The following RACGAP1 variants were observed in gnomAD, a reference collection of about 807,000 sequenced individuals.
RACGAP1 encodes the protein rac GTPase-activating protein 1.
RACGAP1 carries 30 observed loss-of-function variants against 78.1 expected under a neutral mutation model. That is an observed-to-expected ratio of 0.38 (90% confidence interval 0.29 to 0.52). The LOEUF is 0.52. RACGAP1 is among the 20% of genes least tolerant of loss of function. The pLI, the probability that RACGAP1 is intolerant of heterozygous loss-of-function variation, is 0.82. For synonymous variants in RACGAP1, 231 were observed against 264.8 expected (o/e 0.87, Z 1.24); for missense variants, 587 against 777.1 (o/e 0.76, Z 2.91).
upstream of RACGAP1, among the ~76,000 whole-genome samples, chr12:50,028,511 G>A (rs955002766): frequency 6.6e-6 from 1 of 152,274 alleles, no homozygotes; most frequent in Non-Finnish European, 1.5e-5. Context: ...GCTTACGCCT[G>A]TAATCCCAGC....
chr12:50,028,984 G>A (rs531994102), upstream of RACGAP1, among the ~76,000 whole-genome samples: 12 of 152,104 alleles, frequency 7.9e-5, no homozygotes, highest in South Asian at 2.1e-3. Flanking sequence ...TTGGGAGGCC[G>A]AGGTGGGCAG....
At position 50,032,969 on chromosome 12, in the gene RACGAP1, C is replaced by T. The variant is rs1260826263; in HGVS notation, c.-195+1G>A. 1 of 152,318 alleles carries T rather than the reference C, an allele frequency of 6.6e-6. No homozygotes were observed. The highest frequency in any genetic ancestry group is 6.5e-5 in the Admixed American group (1 of 15,282). The allele number at this position is 152,318 out of a possible 1,614,324, so 9.4% of individuals were successfully genotyped here. On this transcript the variant is annotated splice_donor_variant, in intron 1 of 3. Transcript: ENST00000548247. LOFTEE classifies it low-confidence loss of function (5UTR_SPLICE). ...CGCGCCCGTACCCCACCGGCCCTCA[C>T]CTCCCCAGGGGCGGCCGCCTGATCC...
chr12:50,029,031 C>T (rs979792012), upstream of RACGAP1, among the ~76,000 whole-genome samples: 1 of 152,048 alleles, frequency 6.6e-6, no homozygotes, highest in African/African-American at 2.4e-5. Context: ...TCTTGGCCAA[C>T]ATGGTGAAAC....
intron 2 of RACGAP1, among the ~76,000 whole-genome samples, chr12:50,014,181 T>G (rs1949517714): frequency 6.6e-6 from 1 of 152,222 alleles, no homozygotes; most frequent in Non-Finnish European, 1.5e-5. Context: ...AGTTCTTACA[T>G]TAACACCAGT....
chr12:49,991,911 A>T, intron 15 of RACGAP1, 87 bp downstream of exon 15: 1 of 1,554,236 alleles, frequency 6.4e-7, no homozygotes, highest in African/African-American at 1.4e-5. Context: ...AGAATTTTCA[A>T]ACAGCTCTAG....
chr12:50,012,695 G>T (rs978888933), intron 2 of RACGAP1, among the ~76,000 whole-genome samples: 1 of 152,090 alleles, frequency 6.6e-6, no homozygotes, highest in Non-Finnish European at 1.5e-5. Flanking sequence ...GGAGGCAGAA[G>T]TTGTAGTGAG....
intron 12 of RACGAP1, 48 bp from the exon 13 acceptor site, chr12:49,992,703 A>G (rs1435860242): frequency 4.1e-6 from 6 of 1,469,328 alleles, no homozygotes; most frequent in African/African-American, 2.8e-5. Context: ...CTTTCCCTTG[A>G]CAGCGGGCTT....
intron 2 of RACGAP1, among the ~76,000 whole-genome samples, chr12:50,012,588 A>C (rs1347489051): frequency 2.6e-5 from 4 of 151,126 alleles, no homozygotes; most frequent in African/African-American, 9.7e-5. Flanking sequence ...TAAATAAATA[A>C]ATAAAAATAA....
chr12:50,001,337 A>G, intron 6 of RACGAP1, 85 bp from the exon 7 acceptor site: 1 of 1,092,354 alleles, frequency 9.2e-7, no homozygotes, highest in Non-Finnish European at 1.4e-6. Context: ...AACAACTTGG[A>G]TACAGGTCCT....
chr12:50,007,539 AAACT>A (rs1408991709), intron 2 of RACGAP1, among the ~76,000 whole-genome samples: 14 of 152,254 alleles, frequency 9.2e-5, no homozygotes, highest in Admixed American at 3.3e-4. Context: ...GCTGCTGGTC[AAACT>A]AACCCAGTTA....
chr12:50,011,084 G>C (rs530632580), intron 2 of RACGAP1, among the ~76,000 whole-genome samples: 1 of 152,040 alleles, frequency 6.6e-6, no homozygotes, highest in Non-Finnish European at 1.5e-5. Context: ...CGCCTGTAAT[G>C]CCAGCACTCT....
At chr12:49,993,436 T>C (rs892382494) in intron 12 of RACGAP1, among the ~76,000 whole-genome samples, 4 of 152,294 alleles carry the variant, frequency 2.6e-5, no homozygotes, top group Middle Eastern at 3.4e-3. Context: ...TACTCATCCA[T>C]CAAACTACTT....
chr12:49,999,559 C>A, intron 8 of RACGAP1, 57 bp downstream of exon 8: 1 of 1,470,956 alleles, frequency 6.8e-7, no homozygotes, highest in Non-Finnish European at 9.5e-7. Context: ...GAAACCAACT[C>A]TCCAAAATTT....
chr12:49,990,356 G>A lies in RACGAP1; in HGVS notation c.1824-13C>T. 3 of 1,600,052 alleles carry A rather than the reference G, an allele frequency of 1.9e-6. No individual in the cohort carries two copies. The highest frequency in any genetic ancestry group is 2.6e-6 in the Non-Finnish European group (3 of 1,167,266). ...TTTGCTCCCAAATCTACAATAAAAA[G>A]AGAATGAACTGGAAAAATATTCTAT... On this transcript the variant is annotated splice_polypyrimidine_tract_variant and intron_variant, in intron 16 of 16. Coordinates refer to ENST00000312377, the MANE Select transcript of RACGAP1 (RefSeq NM_001319999.2).
chr12:50,002,298 A>G lies in RACGAP1; in HGVS notation c.498T>C (p.Asp166=). ...AAGTCTTCACCAAAGAAGAGTCCCA[A>G]TCCTGTTGACAATTACACTGTATTA... ...ISFDKTDESL[D]WDSSLVKTFK... The change falls in exon 6 of 17, where the codon GAT becomes GAC. Residue 166 remains aspartate (D), a splice_region_variant and synonymous_variant. Coordinates refer to ENST00000312377, the MANE Select transcript of RACGAP1 (RefSeq NM_001319999.2). 1 of 1,613,022 alleles carries G rather than the reference A, an allele frequency of 6.2e-7. No homozygotes were observed.
At chr12:50,018,640 C>A in intron 1 of RACGAP1, 1 of 1,041,010 alleles carries the variant, frequency 9.6e-7, no homozygotes, top group Admixed American at 2.4e-5. Flanking sequence ...TAAGGTATTA[C>A]TTTCTATCAT....
chr12:50,032,175 G>T (rs3079841), intron 1 of RACGAP1, among the ~76,000 whole-genome samples: 8 of 148,802 alleles, frequency 5.4e-5, no homozygotes, highest in African/African-American at 1.7e-4. Context: ...AATAATAATA[G>T]TTATTTCCTA....
chr12:49,999,401 T>TA (rs1439257659), intron 8 of RACGAP1, 130 bp from the exon 9 acceptor site: 2 of 1,239,880 alleles, frequency 1.6e-6, no homozygotes, highest in Non-Finnish European at 1.1e-6. Flanking sequence ...AATGGCTATG[T>TA]AAAAAAACAG....
At position 50,010,857 on chromosome 12, in the gene RACGAP1, G is replaced by A. The variant is rs148845440; in HGVS notation, c.86-4221C>T. ...TGAGACAGGAGAATCACTTGAACCC[G>A]GGAGGTGGAGGTTGCAGTGAGCCGA... On this transcript the variant is annotated intron_variant, in intron 2 of 16. Transcript: ENST00000312377. Among the ~76,000 whole-genome samples, 608 of 150,796 alleles carry A rather than the reference G, an allele frequency of 4.0e-3. 3 individuals are homozygous for A. The highest frequency in any genetic ancestry group is 4.1e-3 in the Non-Finnish European group (278 of 67,574).
Sources: gnomAD v4.1 joint callset for allele counts (sites outside exome capture counted in the v4.1 genomes callset) on GRCh38, gnomAD v4.1.1 for gene constraint, MANE v1.5 for transcripts, NCBI Gene and HGNC (gene_info 2026-07-23, HGNC 2026-07-21) for gene names.